The following GBE1 variants were observed in gnomAD, a reference collection of about 807,000 sequenced individuals.
The protein encoded by GBE1 is 1,4-alpha-glucan branching enzyme 1.
A neutral mutation model predicts 88.8 loss-of-function variants in GBE1; 70 were observed. The observed-to-expected ratio is 0.79, with a 90% CI of 0.65 to 0.96. GBE1 has a LOEUF of 0.96. Ranked by LOEUF, GBE1 falls within the 40% of genes least tolerant of loss-of-function variation. The pLI, the probability that GBE1 is intolerant of heterozygous loss-of-function variation, is 0.00. For synonymous variants in GBE1, 284 were observed against 300.1 expected (o/e 0.95, Z 0.56); for missense variants, 872 against 871.0 (o/e 1.00, Z -0.01).
At chr3:81,684,779 G>C (rs1222070942) in intron 2 of GBE1, among the ~76,000 whole-genome samples, 1 of 151,936 alleles carries the variant, frequency 6.6e-6, no homozygotes, top group Admixed American at 6.6e-5. Flanking sequence ...AAGCTCACTA[G>C]TACATTTTTG....
intron 1 of GBE1, among the ~76,000 whole-genome samples, chr3:81,748,852 C>G (rs1019294586): frequency 1.3e-5 from 2 of 151,336 alleles, no homozygotes; most frequent in African/African-American, 2.4e-5. Flanking sequence ...ACTAAAAATA[C>G]AAAAATTAGC....
At chr3:81,714,763 T>C in intron 1 of GBE1, among the ~76,000 whole-genome samples, 1 of 152,218 alleles carries the variant, frequency 6.6e-6, no homozygotes, top group East Asian at 1.9e-4. Context: ...CTTATAGTTC[T>C]AGAGGCTGCG....
chr3:81,737,349 A>AT (rs1491536469), intron 1 of GBE1, among the ~76,000 whole-genome samples: 1 of 104,674 alleles, frequency 9.6e-6, no homozygotes, highest in African/African-American at 5.2e-5. Context: ...ATATTTATAT[A>AT]AATATATATT....
intron 7 of GBE1, among the ~76,000 whole-genome samples, chr3:81,609,557 G>GT (rs1704145238): frequency 6.6e-6 from 1 of 151,782 alleles, no homozygotes; most frequent in African/African-American, 2.4e-5. Context: ...GGATTTTGGG[G>GT]GTTTTTTTTT....
intron 1 of GBE1, among the ~76,000 whole-genome samples, chr3:81,705,872 C>G (rs1474154535): frequency 6.6e-6 from 1 of 152,090 alleles, no homozygotes; most frequent in African/African-American, 2.4e-5. Flanking sequence ...GATGGTTATA[C>G]TATTTCATGA....
At chr3:81,544,196 AG>A (rs771818712) in intron 12 of GBE1, among the ~76,000 whole-genome samples, 27 of 152,310 alleles carry the variant, frequency 1.8e-4, no homozygotes, top group Middle Eastern at 3.4e-3. Context: ...GCTAAGTTAA[AG>A]GAAGCATTTT....
chr3:81,567,630 A>T (rs1341126601), intron 12 of GBE1, among the ~76,000 whole-genome samples: 1 of 152,234 alleles, frequency 6.6e-6, no homozygotes, highest in Non-Finnish European at 1.5e-5. Flanking sequence ...ACCTGAAGTC[A>T]TTCTTTGATT....
At chr3:81,608,145 A>G (rs1704127972) in intron 7 of GBE1, among the ~76,000 whole-genome samples, 1 of 152,202 alleles carries the variant, frequency 6.6e-6, no homozygotes, top group Non-Finnish European at 1.5e-5. Context: ...TCATATAACT[A>G]TCAAGGGTTT....
chr3:81,597,238 T>A (rs989122668), intron 7 of GBE1, among the ~76,000 whole-genome samples: 10 of 151,674 alleles, frequency 6.6e-5, no homozygotes, highest in Non-Finnish European at 8.9e-5. Flanking sequence ...TAGAATCTCA[T>A]AAAAATATAC....
At chr3:81,720,339 T>C (rs554954151) in intron 1 of GBE1, among the ~76,000 whole-genome samples, 30 of 145,180 alleles carry the variant, frequency 2.1e-4, no homozygotes, top group Admixed American at 1.2e-3. Flanking sequence ...ACACTGTGTG[T>C]GTATGTGTAT....
At chr3:81,678,791 G>A (rs1337845617) in intron 2 of GBE1, among the ~76,000 whole-genome samples, 1 of 152,068 alleles carries the variant, frequency 6.6e-6, no homozygotes, top group East Asian at 1.9e-4. Flanking sequence ...GAAAAAATAA[G>A]AAAAGCCCTT....
At chr3:81,656,641 G>T (rs17411389) in intron 3 of GBE1, among the ~76,000 whole-genome samples, 10,469 of 152,240 alleles carry the variant, frequency 0.069, 473 homozygotes, top group Middle Eastern at 0.12. Flanking sequence ...GTTGAAATTT[G>T]TCAGTACTGG....
intron 1 of GBE1, among the ~76,000 whole-genome samples, chr3:81,736,854 C>T (rs769889766): frequency 3.3e-5 from 5 of 152,164 alleles, no homozygotes; most frequent in Non-Finnish European, 5.9e-5. Flanking sequence ...ATACCATTCA[C>T]CCAAGGAAAC....
At chr3:81,559,084 A>C (rs1189005420) in intron 12 of GBE1, among the ~76,000 whole-genome samples, 2 of 152,090 alleles carry the variant, frequency 1.3e-5, no homozygotes, top group East Asian at 3.8e-4. Flanking sequence ...TCAAAACAGT[A>C]AAACATATCT....
chr3:81,736,826 TG>T (rs1706262520), intron 1 of GBE1, among the ~76,000 whole-genome samples: 1 of 152,106 alleles, frequency 6.6e-6, no homozygotes, highest in South Asian at 2.1e-4. Context: ...CTCAACGACT[TG>T]AAAATGTAAT....
intron 15 of GBE1, among the ~76,000 whole-genome samples, chr3:81,496,259 T>C (rs1702499090): frequency 1.3e-5 from 2 of 152,208 alleles, no homozygotes; most frequent in African/African-American, 4.8e-5. Flanking sequence ...TACATTTCAA[T>C]GGCGGTATAC....
chr3:81,651,208 T>C (rs977123457), intron 3 of GBE1, among the ~76,000 whole-genome samples: 1 of 152,186 alleles, frequency 6.6e-6, no homozygotes, highest in African/African-American at 2.4e-5. Flanking sequence ...TCTCACTTGA[T>C]TCCAGAAAAT....
intron 12 of GBE1, among the ~76,000 whole-genome samples, chr3:81,553,382 T>C (rs1196418214): frequency 2.0e-5 from 3 of 152,060 alleles, no homozygotes; most frequent in Non-Finnish European, 4.4e-5. Flanking sequence ...TTATGCTGTG[T>C]TTTGTATGTG....
intron 1 of GBE1, among the ~76,000 whole-genome samples, chr3:81,730,218 G>T (rs187949755): frequency 6.6e-6 from 1 of 152,198 alleles, no homozygotes; most frequent in East Asian, 1.9e-4. Context: ...TTATAAAATG[G>T]TAGAAGAGTC....
Sources: gnomAD v4.1 joint callset for allele counts (sites outside exome capture counted in the v4.1 genomes callset) on GRCh38, gnomAD v4.1.1 for gene constraint, MANE v1.5 for transcripts, NCBI Gene and HGNC (gene_info 2026-07-23, HGNC 2026-07-21) for gene names.